EPHB1: variants seen among roughly 807,000 people sequenced by gnomAD.
EPHB1 encodes EPH receptor B1, also known as ephrin type-B receptor 1.
Under a neutral mutation model 94.4 loss-of-function variants are expected in EPHB1, and 30 were observed. The observed-to-expected ratio is 0.32, with a 90% CI of 0.24 to 0.43. The LOEUF is 0.43. Ranked by LOEUF, EPHB1 falls within the 20% of genes least tolerant of loss-of-function variation. The probability of loss-of-function intolerance (pLI) is 1.00; values close to 1 mark genes in which losing one functional copy is unlikely to be tolerated. For synonymous variants in EPHB1, 522 were observed against 489.1 expected, an observed-to-expected ratio of 1.07 and a Z score of -0.89; for missense variants, 1,055 against 1,308.3, an observed-to-expected ratio of 0.81 and a Z score of 2.99.
At chr3:135,052,860 CAAAAAAAAAAA>C (rs1193207059) in intron 3 of EPHB1, among the ~76,000 whole-genome samples, 26 of 12,090 alleles carry the variant, frequency 2.2e-3, no homozygotes, top group Non-Finnish European at 2.5e-3. Flanking sequence ...GACTCCGTCT[CAAAAAAAAAAA>C]AAAAAAAAAA....
In EPHB1 at chr3:135,106,505, C is replaced by T. The variant is rs1477748900; in HGVS notation, c.863C>T (p.Pro288Leu). ...SQEAEGCSHC[P>L]SNSRSPAEAS... ...GAAGCTGAAGGCTGCTCCCACTGCC[C>T]CTCCAACAGCCGCTCCCCTGCAGAG... Residue 288 changes from proline to leucine, a missense_variant, in exon 4 of 16, where the codon CCC becomes CTC. Physicochemically the swap from Pro to Leu is moderately conservative, Grantham distance 98. Coordinates refer to ENST00000398015, the MANE Select transcript of EPHB1 (RefSeq NM_004441.5). 1.2e-6 allele frequency: 2 copies of T among 1,614,022 alleles called. No individual in the cohort carries two copies. Among genetic ancestry groups the T allele is most frequent in the Admixed American group, 1.7e-5 (1 of 60,030 alleles).
chr3:134,814,787 T>C (rs555137207), intron 1 of EPHB1, among the ~76,000 whole-genome samples: 1 of 152,222 alleles, frequency 6.6e-6, no homozygotes, highest in African/African-American at 2.4e-5. Context: ...GAAGCTTCAT[T>C]CAGAGGAAAG....
chr3:135,215,141 A>T (rs1943116901), intron 12 of EPHB1, among the ~76,000 whole-genome samples: 1 of 151,856 alleles, frequency 6.6e-6, no homozygotes, highest in South Asian at 2.1e-4. Context: ...GAGATGGCAG[A>T]TGTACAGTTT....
chr3:135,063,501 G>C (rs1318688604), intron 3 of EPHB1, among the ~76,000 whole-genome samples: 1 of 152,088 alleles, frequency 6.6e-6, no homozygotes. Context: ...GGTTGCTGTT[G>C]GTGTAGAGAA....
intron 6 of EPHB1, among the ~76,000 whole-genome samples, chr3:135,157,474 G>A (rs1450411371): frequency 6.6e-6 from 1 of 152,148 alleles, no homozygotes; most frequent in Non-Finnish European, 1.5e-5. Flanking sequence ...CTCCCATTCA[G>A]GCTACCTCCC....
chr3:134,862,509 A>T (rs1304004578), intron 1 of EPHB1, among the ~76,000 whole-genome samples: 1 of 152,026 alleles, frequency 6.6e-6, no homozygotes, highest in Non-Finnish European at 1.5e-5. Flanking sequence ...CAAAAAAAAA[A>T]AAAAGAAAAA....
At chr3:134,911,874 A>C (rs1239372522) in intron 1 of EPHB1, among the ~76,000 whole-genome samples, 1 of 151,870 alleles carries the variant, frequency 6.6e-6, no homozygotes, top group Non-Finnish European at 1.5e-5. Context: ...CAAGCCCCCC[A>C]CAGCCATCCC....
At chr3:134,854,169 T>A (rs567577830) in intron 1 of EPHB1, among the ~76,000 whole-genome samples, 11 of 152,250 alleles carry the variant, frequency 7.2e-5, no homozygotes, top group Admixed American at 6.5e-4. Context: ...AATTGTGCGA[T>A]AGGAGAGCAC....
At chr3:134,952,369 T>A (rs530949799) in intron 3 of EPHB1, among the ~76,000 whole-genome samples, 1,214 of 121,282 alleles carry the variant, frequency 0.01, 5 homozygotes, top group African/African-American at 0.033. Flanking sequence ...TCTCTCTCTC[T>A]CTCACACACA....
At chr3:134,875,574 G>A (rs760330347) in intron 1 of EPHB1, among the ~76,000 whole-genome samples, 4 of 152,108 alleles carry the variant, frequency 2.6e-5, no homozygotes, top group Non-Finnish European at 4.4e-5. Context: ...TGCCATGGTC[G>A]CAGGCAAGTT....
chr3:135,235,435 C>T (rs1943629195), intron 12 of EPHB1, among the ~76,000 whole-genome samples: 1 of 152,018 alleles, frequency 6.6e-6, no homozygotes, highest in African/African-American at 2.4e-5. Flanking sequence ...TTTTATGAGC[C>T]CTCCAGTAGG....
intron 1 of EPHB1, among the ~76,000 whole-genome samples, chr3:134,924,614 C>T (rs990048447): frequency 6.6e-6 from 1 of 152,168 alleles, no homozygotes; most frequent in African/African-American, 2.4e-5. Context: ...TATGGAGGAA[C>T]TGGAACTCCC....
chr3:135,096,989 T>C (rs1053114600), intron 3 of EPHB1, among the ~76,000 whole-genome samples: 50 of 150,600 alleles, frequency 3.3e-4, no homozygotes, highest in African/African-American at 1.2e-3. Flanking sequence ...CCAGCTACTT[T>C]GGAGGCTGAG....
At chr3:135,008,839 C>T (rs1287748216) in intron 3 of EPHB1, among the ~76,000 whole-genome samples, 2 of 152,280 alleles carry the variant, frequency 1.3e-5, no homozygotes, top group Non-Finnish European at 2.9e-5. Flanking sequence ...ATGAGGCTGA[C>T]CCAAGGACAA....
At chr3:134,965,459 A>G (rs4955528) in intron 3 of EPHB1, among the ~76,000 whole-genome samples, 83,712 of 151,920 alleles carry the variant, frequency 0.55, 24,698 homozygotes, top group African/African-American at 0.76. Flanking sequence ...CAGCACTTTG[A>G]GAGGCCATGG....
chr3:135,135,918 G>T (rs928902642), intron 5 of EPHB1, among the ~76,000 whole-genome samples: 31 of 152,336 alleles, frequency 2.0e-4, no homozygotes, highest in African/African-American at 6.7e-4. Flanking sequence ...CCTCATGTTT[G>T]TGTTTCTTTT....
Position 135,201,559 on chromosome 3 carries a change from A to C in EPHB1, c.2216A>C (p.Asn739Thr). Residue 739 changes from asparagine (N) to threonine (T), a missense_variant, in exon 12 of 16, where the codon AAT becomes ACT. Coordinates refer to ENST00000398015, the MANE Select transcript of EPHB1 (RefSeq NM_004441.5). ...AAGMKYLAEM[N>T]YVHRDLAARN... ...GGCATGAAGTACCTGGCTGAGATGA[A>C]TTATGTGCATCGGGACCTGGCTGCT... 1 of 1,613,994 alleles carries C rather than the reference A, an allele frequency of 6.2e-7. No individual in the cohort carries two copies. Among genetic ancestry groups the C allele is most frequent in the Non-Finnish European group, 8.5e-7 (1 of 1,180,012 alleles).
At chr3:134,929,548 T>C (rs907375046) in intron 2 of EPHB1, among the ~76,000 whole-genome samples, 1 of 152,122 alleles carries the variant, frequency 6.6e-6, no homozygotes, top group Non-Finnish European at 1.5e-5. Context: ...ATGGCAGGAC[T>C]GAAGGGGCCA....
chr3:135,208,612 G>C (rs1020818416), intron 12 of EPHB1, among the ~76,000 whole-genome samples: 11 of 152,124 alleles, frequency 7.2e-5, no homozygotes, highest in African/African-American at 2.7e-4. Flanking sequence ...TGAGAGACAA[G>C]CTATATACAG....
Sources: allele counts gnomAD v4.1 joint callset (sites outside exome capture counted in the v4.1 genomes callset), GRCh38; gene constraint gnomAD v4.1.1; transcripts MANE v1.5; gene names NCBI Gene and HGNC (gene_info 2026-07-23, HGNC 2026-07-21).